ASXL1: variants seen among roughly 807,000 people sequenced by gnomAD.
ASXL1 encodes the protein ASXL transcriptional regulator 1.
In ASXL1, 65 loss-of-function variants were observed where a neutral mutation model predicts 89.1. The ratio of observed to expected loss-of-function variants is 0.73; its 90% CI spans 0.60 to 0.90. The LOEUF is 0.90. ASXL1 is among the 40% of genes least tolerant of loss of function. The probability of loss-of-function intolerance (pLI) is 0.00; values close to 1 mark genes in which losing one functional copy is unlikely to be tolerated. For synonymous variants in ASXL1, 739 were observed against 746.9 expected (o/e 0.99, Z 0.17); for missense variants, 1,786 against 1,942.9 (o/e 0.92, Z 1.52).
intron 4 of ASXL1, among the ~76,000 whole-genome samples, chr20:32,396,637 A>G (rs2048766546): frequency 6.6e-6 from 1 of 152,200 alleles, no homozygotes; most frequent in East Asian, 1.9e-4. Context: ...TTCTGTCTCT[A>G]ATGCAGTGTA....
chr20:32,361,784 G>C (rs2048115965), intron 1 of ASXL1, among the ~76,000 whole-genome samples: 1 of 151,938 alleles, frequency 6.6e-6, no homozygotes, highest in African/African-American at 2.4e-5. Flanking sequence ...AAGAGTCCCA[G>C]GCCGGGCACG....
At chr20:32,375,448 C>CA (rs71187112) in intron 4 of ASXL1, among the ~76,000 whole-genome samples, 50,351 of 136,512 alleles carry the variant, frequency 0.37, 9,607 homozygotes, top group East Asian at 0.74. Flanking sequence ...GACTTGGTCT[C>CA]AAAAAAAAAA....
intron 4 of ASXL1, among the ~76,000 whole-genome samples, chr20:32,388,305 G>A (rs2048614865): frequency 1.3e-5 from 2 of 152,172 alleles, no homozygotes; most frequent in South Asian, 4.1e-4. Context: ...CTCCCGAGTA[G>A]CTGGGGCTGC....
chr20:32,359,896 T>C, intron 1 of ASXL1: 1 of 713,820 alleles, frequency 1.4e-6, no homozygotes, highest in Non-Finnish European at 2.6e-6. Context: ...TACTAAGATG[T>C]CAGTTCCTAA....
rs2011945561 is a variant in ASXL1, at chr20:32,436,941, T to C, written c.4229T>C (p.Phe1410Ser). The C allele has an allele frequency of 1.2e-6, 2 of 1,614,050 alleles. No individual in the cohort carries two copies. Among genetic ancestry groups the C allele is most frequent in the African/African-American group, 1.3e-5 (1 of 74,934 alleles). ...EGMPFVMDLP[F>S]WKLPREPGKG... ...ATGCCCTTTGTCATGGACTTGCCCT[T>C]CTGGAAATTACCCCGAGAGCCAGGG... The change falls in exon 13 of 13, where the codon TTC (phenylalanine) becomes TCC (serine). Residue 1410 changes from phenylalanine to serine, a missense_variant. Phe to Ser is a radical substitution (Grantham distance 155). This residue lies in a region of ASXL1 where 1,418 missense variants were observed against 1,427.8 expected (regional missense o/e 0.99). Coordinates refer to ENST00000375687, the MANE Select transcript of ASXL1 (RefSeq NM_015338.6).
intron 4 of ASXL1, among the ~76,000 whole-genome samples, chr20:32,426,541 C>CTTTTTTTG (rs2011295066): frequency 1.1e-5 from 1 of 92,564 alleles, no homozygotes; most frequent in African/African-American, 3.5e-5. Flanking sequence ...AAACTGTTTT[C>CTTTTTTTG]TTTTTTTTCT....
At chr20:32,416,706 C>T (rs2049144189) in intron 4 of ASXL1, among the ~76,000 whole-genome samples, 1 of 152,150 alleles carries the variant, frequency 6.6e-6, no homozygotes, top group Admixed American at 6.5e-5. Context: ...GGGACTATTC[C>T]CTTACCTTTT....
At position 32,365,953 on chromosome 20, in the gene ASXL1, A is replaced by G. The variant is rs185858988; in HGVS notation, c.58-431A>G. On this transcript the variant is annotated intron_variant, in intron 1 of 12. Transcript: ENST00000375687. ...AGGTCAGGAGTTCGAGACTAGCTCTAGTCTCTACTAAAATACAAAAATTAG... is the reference window on the plus strand; with the variant it reads ...AGGTCAGGAGTTCGAGACTAGCTCTGGTCTCTACTAAAATACAAAAATTAG... 2.7e-4 allele frequency among the ~76,000 whole-genome samples: 41 copies of G among 152,284 alleles called. No individual in the cohort carries two copies. In the East Asian group the frequency reaches 6.7e-3, roughly 25 times the overall value.
intron 4 of ASXL1, among the ~76,000 whole-genome samples, chr20:32,394,034 G>A (rs994660734): frequency 8.2e-5 from 11 of 133,516 alleles, no homozygotes; most frequent in East Asian, 2.2e-4. Flanking sequence ...ACAGAGTCTC[G>A]CACTGTCACC....
chr20:32,427,890 G>A, intron 4 of ASXL1: 1 of 507,140 alleles, frequency 2.0e-6, no homozygotes, highest in Admixed American at 2.8e-5. Flanking sequence ...ACATGGTATA[G>A]CTTATAGGAG....
At chr20:32,395,072 G>C (rs1357491436) in intron 4 of ASXL1, among the ~76,000 whole-genome samples, 1 of 152,108 alleles carries the variant, frequency 6.6e-6, no homozygotes, top group Non-Finnish European at 1.5e-5. Context: ...TCCATTTCTG[G>C]TGTTCTTTAT....
chr20:32,363,007 A>AT (rs1290401799), intron 1 of ASXL1, among the ~76,000 whole-genome samples: 2 of 151,922 alleles, frequency 1.3e-5, no homozygotes, highest in African/African-American at 2.4e-5. Context: ...TACATCAAAC[A>AT]TTTTTTTCCC....
chr20:32,366,738 A>AGTCAGGG (rs1229475677), intron 2 of ASXL1, among the ~76,000 whole-genome samples: 2 of 152,202 alleles, frequency 1.3e-5, no homozygotes, highest in African/African-American at 4.8e-5. Flanking sequence ...TTGTGTAAGG[A>AGTCAGGG]GTCAGGGCAC....
chr20:32,376,843 T>G (rs1398094225), intron 4 of ASXL1, among the ~76,000 whole-genome samples: 1 of 143,948 alleles, frequency 6.9e-6, no homozygotes, highest in East Asian at 2.0e-4. Flanking sequence ...ATAAATATCA[T>G]GATAGATATA....
chr20:32,382,031 C>T (rs1184335755), intron 4 of ASXL1, among the ~76,000 whole-genome samples: 7 of 147,904 alleles, frequency 4.7e-5, no homozygotes, highest in South Asian at 4.3e-4. Flanking sequence ...TCTCAGCTAA[C>T]GGCAACCTCC....
At chr20:32,389,596 CT>C (rs2048637203) in intron 4 of ASXL1, among the ~76,000 whole-genome samples, 1 of 152,016 alleles carries the variant, frequency 6.6e-6, no homozygotes, top group South Asian at 2.1e-4. Context: ...CCGCCTTTTT[CT>C]TTTTCTGAAA....
At chr20:32,422,803 T>C (rs755974805) in intron 4 of ASXL1, among the ~76,000 whole-genome samples, 2 of 151,906 alleles carry the variant, frequency 1.3e-5, no homozygotes, top group Non-Finnish European at 2.9e-5. Flanking sequence ...GCCAGGCTGG[T>C]CTCGAACTCC....
chr20:32,427,182 G>A (rs1457144034), intron 4 of ASXL1: 1 of 152,192 alleles, frequency 6.6e-6, no homozygotes, highest in Admixed American at 6.5e-5. Context: ...AATGGGTAGA[G>A]TTTAATTCTG....
chr20:32,419,169 G>T (rs917325946), intron 4 of ASXL1, among the ~76,000 whole-genome samples: 6 of 151,588 alleles, frequency 4.0e-5, no homozygotes, highest in African/African-American at 1.5e-4. Context: ...TCTTAATCAA[G>T]AACATGGTAT....
Sources: allele counts gnomAD v4.1 joint callset (sites outside exome capture counted in the v4.1 genomes callset), GRCh38; gene constraint gnomAD v4.1.1; regional missense constraint gnomAD v4.1.1; transcripts MANE v1.5; gene names NCBI Gene and HGNC (gene_info 2026-07-23, HGNC 2026-07-21).